Variants in CADPS2 observed in about 807,000 individuals in gnomAD.
CADPS2 encodes calcium dependent secretion activator 2.
CADPS2 carries 93 observed loss-of-function variants against 172.5 expected under a neutral mutation model. The observed-to-expected ratio is 0.54, with a 90% CI of 0.46 to 0.64. CADPS2 has a LOEUF of 0.64. Ranked by LOEUF, CADPS2 falls within the 30% of genes least tolerant of loss-of-function variation. CADPS2 has a pLI of 0.00. For missense variants in CADPS2, 1,420 were observed against 1,565.9 expected (o/e 0.91, Z 1.57); for synonymous variants, 546 against 555.2 (o/e 0.98, Z 0.23).
chr7:122,614,578 T>TA, intron 6 of CADPS2, among the ~76,000 whole-genome samples: 1 of 152,338 alleles, frequency 6.6e-6, no homozygotes, highest in Non-Finnish European at 1.5e-5. Flanking sequence ...TTGTTTCTAC[T>TA]AGAGACCATG....
chr7:122,393,257 T>G lies in CADPS2; in HGVS notation c.2947A>C (p.Asn983His). ...GAAATGTTAGGAATCTGTGGAAGAT[T>G]AAGAGGCAGACTTGGAACTTTTGGA... ...ALPKVPSLPL[N>H]LPQIPNISTA... The change falls in exon 22 of 30, where the codon AAT (asparagine) becomes CAT (histidine). Residue 983 changes from asparagine (N) to histidine (H), a missense_variant. Coordinates refer to ENST00000449022, the MANE Select transcript of CADPS2 (RefSeq NM_017954.11). 1 of 1,613,870 alleles carries G rather than the reference T, an allele frequency of 6.2e-7. No homozygotes were observed. Among genetic ancestry groups the G allele is most frequent in the Non-Finnish European group, 8.5e-7 (1 of 1,179,818 alleles).
intron 1 of CADPS2, among the ~76,000 whole-genome samples, chr7:122,782,884 T>C (rs1485997752): frequency 6.6e-6 from 1 of 152,236 alleles, no homozygotes; most frequent in Admixed American, 6.5e-5. Flanking sequence ...TTCCTTTTTA[T>C]ACTATTTCTC....
At chr7:122,651,142 A>G (rs1405768236) in intron 3 of CADPS2, among the ~76,000 whole-genome samples, 1 of 152,006 alleles carries the variant, frequency 6.6e-6, no homozygotes, top group South Asian at 2.1e-4. Context: ...TCATTTTTGA[A>G]AGTCATTTTG....
At chr7:122,870,621 G>A (rs753275243) in intron 1 of CADPS2, among the ~76,000 whole-genome samples, 1 of 151,968 alleles carries the variant, frequency 6.6e-6, no homozygotes, top group Non-Finnish European at 1.5e-5. Context: ...TACACAAATA[G>A]ATTTTTAACA....
intron 1 of CADPS2, among the ~76,000 whole-genome samples, chr7:122,768,763 T>C (rs1027960667): frequency 1.9e-4 from 29 of 152,298 alleles, no homozygotes; most frequent in African/African-American, 6.5e-4. Flanking sequence ...TTTTCTCTTT[T>C]ATGTCTTGTA....
chr7:122,768,904 G>C (rs1057371106), intron 1 of CADPS2, among the ~76,000 whole-genome samples: 1 of 151,768 alleles, frequency 6.6e-6, no homozygotes, highest in East Asian at 1.9e-4. Context: ...AGCTTAAAAC[G>C]GAAAATGTAG....
intron 1 of CADPS2, among the ~76,000 whole-genome samples, chr7:122,769,485 C>G (rs1329102640): frequency 6.6e-6 from 1 of 151,728 alleles, no homozygotes. Flanking sequence ...AACTCTTCAC[C>G]TCATAACAGC....
At chr7:122,460,850 T>A (rs2054351314) in intron 14 of CADPS2, among the ~76,000 whole-genome samples, 1 of 152,080 alleles carries the variant, frequency 6.6e-6, no homozygotes, top group African/African-American at 2.4e-5. Context: ...AATTAATAAA[T>A]CAATAAGTGA....
At chr7:122,780,500 C>A (rs1046109064) in intron 1 of CADPS2, among the ~76,000 whole-genome samples, 4 of 151,984 alleles carry the variant, frequency 2.6e-5, no homozygotes, top group South Asian at 2.1e-4. Context: ...CTCCAGGAAC[C>A]ACCACCACCA....
chr7:122,770,382 T>C (rs976199007), intron 1 of CADPS2, among the ~76,000 whole-genome samples: 1 of 152,148 alleles, frequency 6.6e-6, no homozygotes, highest in Non-Finnish European at 1.5e-5. Context: ...TATTTATTTT[T>C]TATTTTTGGA....
chr7:122,568,865 T>C (rs1379142795), intron 7 of CADPS2, among the ~76,000 whole-genome samples: 1 of 152,144 alleles, frequency 6.6e-6, no homozygotes, highest in Non-Finnish European at 1.5e-5. Context: ...ATTTTTGTTC[T>C]TTGAAATATG....
At chr7:122,819,283 A>T (rs540739504) in intron 1 of CADPS2, among the ~76,000 whole-genome samples, 1 of 152,204 alleles carries the variant, frequency 6.6e-6, no homozygotes, top group South Asian at 2.1e-4. Context: ...ACCCCACTGA[A>T]AATCGGACTG....
intron 24 of CADPS2, chr7:122,382,244 G>A (rs531041881): frequency 2.4e-4 from 36 of 152,212 alleles, no homozygotes; most frequent in Non-Finnish European, 3.2e-4. Context: ...ATAAAAGGAA[G>A]TTGTAGAATG....
chr7:122,353,128 A>C (rs1198618646), intron 27 of CADPS2, among the ~76,000 whole-genome samples: 1 of 152,186 alleles, frequency 6.6e-6, no homozygotes, highest in African/African-American at 2.4e-5. Context: ...TTTGCCATTA[A>C]AAGTAATGGC....
intron 11 of CADPS2, among the ~76,000 whole-genome samples, chr7:122,483,386 T>C (rs906583165): frequency 2.6e-5 from 4 of 152,054 alleles, no homozygotes; most frequent in East Asian, 1.9e-4. Flanking sequence ...ATCTTCAAAA[T>C]GAGGGTAAAA....
intron 3 of CADPS2, among the ~76,000 whole-genome samples, chr7:122,637,659 T>C (rs2077209404): frequency 6.6e-6 from 1 of 152,236 alleles, no homozygotes; most frequent in Non-Finnish European, 1.5e-5. Flanking sequence ...TCTCTGTCTG[T>C]CCAGTAGTCA....
chr7:122,516,978 T>A (rs1196175467), intron 8 of CADPS2, among the ~76,000 whole-genome samples: 2 of 152,176 alleles, frequency 1.3e-5, no homozygotes, highest in African/African-American at 4.8e-5. Context: ...CACAGTCATG[T>A]AACCACCACC....
At chr7:122,802,020 A>G (rs973043680) in intron 1 of CADPS2, among the ~76,000 whole-genome samples, 1 of 152,242 alleles carries the variant, frequency 6.6e-6, no homozygotes, top group Non-Finnish European at 1.5e-5. Context: ...AAGATGTCTA[A>G]ACAGTATCAC....
chr7:122,496,682 T>C (rs1350536008), intron 9 of CADPS2, among the ~76,000 whole-genome samples: 1 of 152,154 alleles, frequency 6.6e-6, no homozygotes, highest in East Asian at 1.9e-4. Flanking sequence ...TTTTTGGTTT[T>C]TAAATTAATT....
Sources: allele counts gnomAD v4.1 joint callset (sites outside exome capture counted in the v4.1 genomes callset), GRCh38; gene constraint gnomAD v4.1.1; transcripts MANE v1.5; gene names NCBI Gene and HGNC (gene_info 2026-07-23, HGNC 2026-07-21).